The following PARD3 variants were observed in gnomAD, a reference collection of about 807,000 sequenced individuals.
PARD3 encodes the protein partitioning defective 3 homolog.
Under a neutral mutation model 155.4 loss-of-function variants are expected in PARD3, and 75 were observed. The ratio of observed to expected loss-of-function variants is 0.48; its 90% CI spans 0.40 to 0.58. The LOEUF is 0.58. PARD3 is among the 20% of genes least tolerant of loss of function. The pLI is 0.00. For missense variants in PARD3, 1,642 were observed against 1,721.7 expected (o/e 0.95, Z 0.82); for synonymous variants, 576 against 610.5 (o/e 0.94, Z 0.83).
intron 2 of PARD3, among the ~76,000 whole-genome samples, chr10:34,687,099 A>C (rs2093965271): frequency 6.6e-6 from 1 of 152,104 alleles, no homozygotes; most frequent in Non-Finnish European, 1.5e-5. Flanking sequence ...AAAATTATGA[A>C]CTTTTTACAT....
chr10:34,354,462 CA>C (rs1355217858), intron 14 of PARD3, among the ~76,000 whole-genome samples: 3 of 151,990 alleles, frequency 2.0e-5, no homozygotes, highest in Admixed American at 2.0e-4. Context: ...TGGATACCAG[CA>C]AAGGATACAC....
intron 22 of PARD3, among the ~76,000 whole-genome samples, chr10:34,149,611 GAGA>G (rs1380690926): frequency 2.6e-5 from 4 of 152,162 alleles, no homozygotes; most frequent in Non-Finnish European, 4.4e-5. Context: ...TTTAATGCCA[GAGA>G]AGGTGTTGCT....
At chr10:34,449,623 T>G (rs2076952350) in intron 5 of PARD3, among the ~76,000 whole-genome samples, 2 of 143,876 alleles carry the variant, frequency 1.4e-5, no homozygotes, top group African/African-American at 5.6e-5. Context: ...AAAAAAAAAG[T>G]AACTCATCAG....
At chr10:34,499,530 G>C (rs1028025827) in intron 3 of PARD3, among the ~76,000 whole-genome samples, 7 of 151,426 alleles carry the variant, frequency 4.6e-5, no homozygotes, top group African/African-American at 1.7e-4. Flanking sequence ...GGAAAATAGT[G>C]TGAAATATTT....
intron 24 of PARD3, among the ~76,000 whole-genome samples, chr10:34,112,163 A>T (rs1351503073): frequency 6.6e-6 from 1 of 152,208 alleles, no homozygotes; most frequent in Non-Finnish European, 1.5e-5. Flanking sequence ...TATGTCAGCA[A>T]CTTACACTCT....
At chr10:34,299,955 T>C (rs138859021) in intron 20 of PARD3, among the ~76,000 whole-genome samples, 9 of 152,292 alleles carry the variant, frequency 5.9e-5, no homozygotes, top group Admixed American at 1.3e-4. Context: ...GAAAAACATA[T>C]AAGTCTACAC....
At position 34,778,297 on chromosome 10, in the gene PARD3, T is replaced by G. The variant is rs868256092; in HGVS notation, c.120+36579A>C. Among the ~76,000 whole-genome samples, 8 of 152,300 alleles carry G rather than the reference T, an allele frequency of 5.3e-5. No individual in the cohort carries two copies. The South Asian group carries it at 1.7e-3, about 32-fold the overall frequency. On this transcript the variant is annotated intron_variant, in intron 1 of 24. Transcript: ENST00000374788. The stretch of plus-strand genomic sequence containing the variant: ...AATAGGGAGGAAGGTTGCGGTCTGC[T>G]GGATTCTAAATCCCTCGGGCCAAGG...
chr10:34,236,018 T>C (rs916316949), intron 22 of PARD3, among the ~76,000 whole-genome samples: 1 of 152,206 alleles, frequency 6.6e-6, no homozygotes, highest in Non-Finnish European at 1.5e-5. Flanking sequence ...TCATCTTCTC[T>C]ATAGCTGGTG....
chr10:34,789,252 T>G (rs1286363271), intron 1 of PARD3, among the ~76,000 whole-genome samples: 1 of 151,686 alleles, frequency 6.6e-6, no homozygotes, highest in Non-Finnish European at 1.5e-5. Context: ...TGAAGAATTG[T>G]GCCGCAGCAC....
intron 2 of PARD3, among the ~76,000 whole-genome samples, chr10:34,522,000 T>C (rs1319611800): frequency 6.6e-6 from 1 of 152,140 alleles, no homozygotes; most frequent in African/African-American, 2.4e-5. Context: ...TGGTTGTGGG[T>C]AGACAGAATA....
chr10:34,224,643 C>T (rs919015677), intron 22 of PARD3, among the ~76,000 whole-genome samples: 1 of 152,234 alleles, frequency 6.6e-6, no homozygotes, highest in Non-Finnish European at 1.5e-5. Flanking sequence ...ACAGGGCGGG[C>T]AGAGGGACAA....
intron 20 of PARD3, among the ~76,000 whole-genome samples, chr10:34,309,439 T>A (rs1466808359): frequency 6.7e-6 from 1 of 150,116 alleles, no homozygotes; most frequent in African/African-American, 2.5e-5. Context: ...ACGCCTGTAG[T>A]CCCAGCTACT....
intron 3 of PARD3, among the ~76,000 whole-genome samples, chr10:34,475,588 C>T (rs1197492926): frequency 2.0e-5 from 3 of 152,124 alleles, no homozygotes; most frequent in Admixed American, 6.5e-5. Flanking sequence ...CTTCTACCCA[C>T]GAGAAATTCC....
chr10:34,415,902 A>G (rs1473092612), intron 5 of PARD3, among the ~76,000 whole-genome samples: 2 of 152,228 alleles, frequency 1.3e-5, no homozygotes, highest in Non-Finnish European at 2.9e-5. Context: ...ACAACTTTAC[A>G]TGGAGGGTAC....
chr10:34,275,823 C>T (rs1564540071), intron 21 of PARD3, among the ~76,000 whole-genome samples: 1 of 152,012 alleles, frequency 6.6e-6, no homozygotes, highest in Non-Finnish European at 1.5e-5. Context: ...AAAAGCATAC[C>T]CCCTTTACTC....
At chr10:34,711,193 A>C (rs1198898631) in intron 1 of PARD3, among the ~76,000 whole-genome samples, 1 of 150,688 alleles carries the variant, frequency 6.6e-6, no homozygotes, top group Non-Finnish European at 1.5e-5. Flanking sequence ...AAAAACAAAA[A>C]CTCCCCCTCC....
intron 7 of PARD3, among the ~76,000 whole-genome samples, chr10:34,388,596 A>T (rs1842577748): frequency 6.6e-6 from 1 of 152,342 alleles, no homozygotes; most frequent in Admixed American, 6.5e-5. Flanking sequence ...CTAAAGTAAT[A>T]AAGAACCAAC....
intron 2 of PARD3, among the ~76,000 whole-genome samples, chr10:34,640,708 CAAAAAAAAAAAAAAAAA>C (rs59111039): frequency 4.2e-4 from 10 of 24,020 alleles, no homozygotes; most frequent in Admixed American, 2.0e-3. Context: ...GACTCCATCT[CAAAAAAAAAAAAAAAAA>C]AAAAAAAAAA....
intron 22 of PARD3, among the ~76,000 whole-genome samples, chr10:34,241,928 T>C (rs989415541): frequency 2.0e-5 from 3 of 152,142 alleles, no homozygotes; most frequent in African/African-American, 4.8e-5. Flanking sequence ...GTTATAACTA[T>C]CTGTATTGTG....
Sources: gnomAD v4.1 joint callset for allele counts (sites outside exome capture counted in the v4.1 genomes callset) on GRCh38, gnomAD v4.1.1 for gene constraint, MANE v1.5 for transcripts, NCBI Gene and HGNC (gene_info 2026-07-23, HGNC 2026-07-21) for gene names.